Variants in RSRP1 observed in about 807,000 individuals in gnomAD.
RSRP1 encodes arginine/serine-rich protein 1.
In RSRP1, 37 loss-of-function variants were observed where a neutral mutation model predicts 33.0. The ratio of observed to expected loss-of-function variants is 1.12; its 90% confidence interval spans 0.86 to 1.48. The LOEUF (loss-of-function observed/expected upper bound fraction) is 1.48. Among genes scored for constraint, RSRP1 ranks in the 40% most tolerant of loss-of-function variants. The pLI, the probability that RSRP1 is intolerant of heterozygous loss-of-function variation, is 0.00. For missense variants in RSRP1, 402 were observed against 385.3 expected, an observed-to-expected ratio of 1.04 and a Z score of -0.36; for synonymous variants, 167 against 158.7, an observed-to-expected ratio of 1.05 and a Z score of -0.40.
chr1:25,281,474 C>T, intron 1 of RSRP1, among the ~76,000 whole-genome samples: 1 of 132,050 alleles, frequency 7.6e-6, no homozygotes, highest in Non-Finnish European at 1.8e-5. Flanking sequence ...CTTTAACAAT[C>T]GTGTTTAATA....
At chr1:25,282,057 G>A (rs1316032030) in intron 1 of RSRP1, among the ~76,000 whole-genome samples, 1 of 131,634 alleles carries the variant, frequency 7.6e-6, no homozygotes, top group Non-Finnish European at 1.8e-5. Flanking sequence ...TTGATGAACA[G>A]TCACTATTTA....
chr1:25,243,589 T>C lies in RSRP1; in HGVS notation c.717A>G (p.Glu239=), dbSNP rs752089988. ...VTEDGTRNPN[E]KPTQQRSIAF... ...CTATGCTTCTTTGCTGGGTAGGTTT[T>C]TCATTGGGATTTCGAGTTCCATCTT... The change falls in exon 4 of 5, where the codon GAA becomes GAG. Residue 239 remains glutamate, a synonymous_variant. Transcript: ENST00000243189. 2.5e-6 allele frequency: 4 copies of C among 1,613,912 alleles called. No individual in the cohort carries two copies. Among genetic ancestry groups the C allele is most frequent in the Admixed American group, 1.7e-5 (1 of 60,022 alleles).
At chr1:25,253,702 T>G (rs902458111) in intron 1 of RSRP1, 1 of 152,132 alleles carries the variant, frequency 6.6e-6, no homozygotes, top group African/African-American at 2.4e-5. Flanking sequence ...TGGTTTCCAG[T>G]TTTTTCACTA....
rs369499548 is a variant in RSRP1 at position 25,303,363 on chromosome 1, G to T, written c.-67+34615C>A. On this transcript the variant is annotated intron_variant, in intron 1 of 1. Coordinates refer to the RSRP1 transcript ENST00000561867. ...CGGTGTTGGCAGGAGGCGTGGCTGT[G>T]GGTACCTCGTGTCACCTGATCCCTT... 2.1e-5 allele frequency: 29 copies of T among 1,373,142 alleles called. 3 individuals carry two copies. In the African/African-American group the frequency reaches 3.8e-4, roughly 18 times the overall value. The allele number at this position is 1,373,142 out of a possible 1,614,324, so 85.1% of individuals were successfully genotyped here. A position where few individuals can be genotyped will look rare whatever the true frequency, so the allele number is the denominator to read the frequency against.
At chr1:25,318,611 T>C (rs1416726000) in intron 1 of RSRP1, among the ~76,000 whole-genome samples, 3 of 131,726 alleles carry the variant, frequency 2.3e-5, no homozygotes, top group African/African-American at 7.7e-5. Context: ...AAAATATACA[T>C]TCCATCCAGA....
At chr1:25,316,325 G>T (rs1644435468) in intron 1 of RSRP1, among the ~76,000 whole-genome samples, 1 of 129,272 alleles carries the variant, frequency 7.7e-6, no homozygotes, top group Non-Finnish European at 1.8e-5. Flanking sequence ...TGCCTAACGA[G>T]AAAACTGGGG....
chr1:25,242,807 T>A, intron 4 of RSRP1, 102 bp from the exon 5 acceptor site: 1 of 844,366 alleles, frequency 1.2e-6, no homozygotes, highest in African/African-American at 1.7e-5. Flanking sequence ...CTTAGAGATA[T>A]TATCAATTGC....
intron 1 of RSRP1, among the ~76,000 whole-genome samples, chr1:25,284,053 G>C (rs1205415468): frequency 7.4e-6 from 1 of 135,102 alleles, no homozygotes; most frequent in Non-Finnish European, 1.8e-5. Context: ...AGGGAGGTTT[G>C]CTGTGAAGAT....
chr1:25,303,593 A>C lies in RSRP1; in HGVS notation c.-67+34385T>G, dbSNP rs1339816401. ...CATTCTCTTATTGGCTTCAACGCCT[A>C]GTGAGGGATCCATCCTGGCTCGGTG... is the stretch of plus-strand genomic sequence containing the variant. On this transcript the variant is annotated intron_variant, in intron 1 of 1. Coordinates refer to the RSRP1 transcript ENST00000561867. 3 of 958,838 alleles carry C rather than the reference A, an allele frequency of 3.1e-6. 1 individual carries two copies. Among genetic ancestry groups the C allele is most frequent in the Non-Finnish European group, 4.8e-6 (3 of 623,326 alleles). The allele number at this position is 958,838 out of a possible 1,614,324, so 59.4% of individuals were successfully genotyped here. A position where few individuals can be genotyped will look rare whatever the true frequency, so the allele number is the denominator to read the frequency against.
At chr1:25,322,774 C>G (rs571958291) in intron 1 of RSRP1, among the ~76,000 whole-genome samples, 2 of 121,246 alleles carry the variant, frequency 1.6e-5, no homozygotes, top group Non-Finnish European at 2.0e-5. Flanking sequence ...CTTTATTAGC[C>G]GGCGACCTAG....
chr1:25,318,487 C>G (rs1158424941), intron 1 of RSRP1, among the ~76,000 whole-genome samples: 2 of 130,416 alleles, frequency 1.5e-5, no homozygotes, highest in African/African-American at 5.2e-5. Context: ...ACTGGGGAGG[C>G]TGAAGTAGGG....
chr1:25,287,355 T>G (rs147219176), intron 1 of RSRP1, among the ~76,000 whole-genome samples: 1 of 135,432 alleles, frequency 7.4e-6, no homozygotes, highest in Non-Finnish European at 1.8e-5. Context: ...TGACTCAATC[T>G]AGAAAGACGA....
intron 1 of RSRP1, among the ~76,000 whole-genome samples, chr1:25,281,632 T>C (rs1215130507): frequency 1.5e-5 from 2 of 131,306 alleles, no homozygotes; most frequent in East Asian, 3.9e-4. Context: ...GGAACCCCTG[T>C]AGAAAATGTC....
intron 1 of RSRP1, among the ~76,000 whole-genome samples, chr1:25,295,904 C>A (rs1208222811): frequency 1.1e-5 from 1 of 89,892 alleles, no homozygotes; most frequent in Non-Finnish European, 2.3e-5. Context: ...CTGTTGTCAT[C>A]CAGGCTGGAT....
rs371943508 is a variant in RSRP1 at position 25,246,730 on chromosome 1, C to T, written c.234G>A (p.Ser78=). 1.2e-5 allele frequency: 19 copies of T among 1,607,264 alleles called. No individual in the cohort carries two copies. The highest frequency in any genetic ancestry group is 1.6e-5 in the Non-Finnish European group (19 of 1,175,136). Residue 78 remains serine, a synonymous_variant, in exon 2 of 5, where the codon TCG becomes TCA. Transcript: ENST00000243189. ...RRHQRKYRRY[S]RSYSRSRSRS... The stretch of plus-strand genomic sequence containing the variant: ...GCGACCGGCTCCGCGAGTATGACCG[C>T]GAGTAGCGCCTGTACTTCCGCTGGT...
rs533666643 is a variant in RSRP1, at chr1:25,269,533, A to T, written c.-66-22504T>A. ...AAAAGTTGAAAGACTTGTACAGTGA[A>T]AAGCCATACATCTCACAGCTAGAAT... On this transcript the variant is annotated intron_variant, in intron 1 of 1. Coordinates refer to the RSRP1 transcript ENST00000561867. Among the ~76,000 whole-genome samples the T allele has an allele frequency of 2.9e-4, 38 of 132,928 alleles. 7 individuals are homozygous for T. The highest frequency in any genetic ancestry group is 4.4e-4 in the Admixed American group (6 of 13,724). 87.2% of individuals were successfully genotyped at this position (132,928 alleles called of 152,430 possible).
chr1:25,289,165 T>C (rs397739067), intron 1 of RSRP1, among the ~76,000 whole-genome samples: 2 of 132,450 alleles, frequency 1.5e-5, no homozygotes, highest in East Asian at 2.0e-4. Flanking sequence ...GGATACTGAA[T>C]GGTGAGCTAG....
Position 25,242,744 on chromosome 1 carries a change from A to G in RSRP1, c.757-39T>C. The G allele has an allele frequency of 3.0e-6, 4 of 1,333,480 alleles. No individual in the cohort carries two copies. The South Asian group carries it at 4.8e-5, about 16-fold the overall frequency. The allele number at this position is 1,333,480 out of a possible 1,614,324, so 82.6% of individuals were successfully genotyped here. A position where few individuals can be genotyped will look rare whatever the true frequency, so the allele number is the denominator to read the frequency against. On this transcript the variant is annotated intron_variant, in intron 4 of 4. Coordinates refer to ENST00000243189, the MANE Select transcript of RSRP1 (RefSeq NM_020317.5). ...AATTCAGTCAGCTTCCCAAACATAC[A>G]TTGTACACTTTTTTCACAAAAAAAA...
chr1:25,287,042 G>A (rs1355831923), intron 1 of RSRP1, among the ~76,000 whole-genome samples: 1 of 134,992 alleles, frequency 7.4e-6, no homozygotes, highest in African/African-American at 2.6e-5. Flanking sequence ...ATAGTGAGCC[G>A]AGATCGCACC....
Sources: gnomAD v4.1 joint callset for allele counts (sites outside exome capture counted in the v4.1 genomes callset) on GRCh38, gnomAD v4.1.1 for gene constraint, MANE v1.5 for transcripts, NCBI Gene and HGNC (gene_info 2026-07-23, HGNC 2026-07-21) for gene names.